Variants in GPC6 observed in about 807,000 individuals in gnomAD.
GPC6 encodes glypican 6.
GPC6 carries 14 observed loss-of-function variants against 55.2 expected under a neutral mutation model. The ratio of observed to expected loss-of-function variants is 0.25; its 90% confidence interval spans 0.17 to 0.40. The LOEUF is 0.40. GPC6 is among the 10% of genes least tolerant of loss of function. GPC6 has a pLI of 1.00. For synonymous variants in GPC6, 278 were observed against 259.6 expected, an observed-to-expected ratio of 1.07 and a Z score of -0.68; for missense variants, 641 against 708.5, an observed-to-expected ratio of 0.90 and a Z score of 1.08.
At chr13:93,458,111 CAT>C (rs1878537029) in intron 1 of GPC6, among the ~76,000 whole-genome samples, 2 of 152,150 alleles carry the variant, frequency 1.3e-5, no homozygotes. Flanking sequence ...GCTGAAAGAA[CAT>C]GTGTATGGGT....
chr13:94,324,997 G>T (rs7327380), intron 6 of GPC6, among the ~76,000 whole-genome samples: 1 of 151,880 alleles, frequency 6.6e-6, no homozygotes, highest in South Asian at 2.1e-4. Flanking sequence ...TAGAATCCTC[G>T]TGGTGTCTGT....
At chr13:94,113,742 C>T (rs936557774) in intron 4 of GPC6, among the ~76,000 whole-genome samples, 6 of 151,872 alleles carry the variant, frequency 4.0e-5, no homozygotes, top group South Asian at 2.1e-4. Flanking sequence ...GACTATAGGC[C>T]GGGCATAGTA....
intron 3 of GPC6, among the ~76,000 whole-genome samples, chr13:93,939,179 G>A (rs1255398965): frequency 6.6e-6 from 1 of 151,390 alleles, no homozygotes; most frequent in African/African-American, 2.4e-5. Context: ...AGTTGAACAT[G>A]TCTGAAAACA....
chr13:94,199,021 C>T (rs1889671332), intron 4 of GPC6, among the ~76,000 whole-genome samples: 1 of 152,120 alleles, frequency 6.6e-6, no homozygotes, highest in African/African-American at 2.4e-5. Context: ...TAGAACCAAT[C>T]CACCATGGAG....
chr13:93,256,309 T>C (rs1276515402), intron 1 of GPC6, among the ~76,000 whole-genome samples: 1 of 152,142 alleles, frequency 6.6e-6, no homozygotes, highest in African/African-American at 2.4e-5. Flanking sequence ...GATTAAAAGT[T>C]GCTTTCCTAT....
chr13:93,721,733 T>C (rs1883461969), intron 2 of GPC6, among the ~76,000 whole-genome samples: 2 of 151,770 alleles, frequency 1.3e-5, no homozygotes, highest in Admixed American at 6.6e-5. Flanking sequence ...TTAGTCCTTA[T>C]GTGTCTGTGG....
intron 4 of GPC6, among the ~76,000 whole-genome samples, chr13:94,176,236 C>G (rs1402435506): frequency 1.3e-5 from 2 of 152,062 alleles, no homozygotes; most frequent in East Asian, 1.9e-4. Context: ...GTAGCATTAA[C>G]TAGGACATAA....
At chr13:93,511,991 G>T (rs1900048) in intron 1 of GPC6, among the ~76,000 whole-genome samples, 126,448 of 151,658 alleles carry the variant, frequency 0.83, 53,777 homozygotes, top group Non-Finnish European at 0.92. Flanking sequence ...TAGATCATTA[G>T]TGGTGTACAG....
chr13:93,488,530 T>C (rs1308642320), intron 1 of GPC6, among the ~76,000 whole-genome samples: 4 of 152,196 alleles, frequency 2.6e-5, no homozygotes, highest in East Asian at 1.9e-4. Flanking sequence ...TTTTAGATCC[T>C]TGAGGAGTCG....
chr13:93,720,895 C>G (rs1883433746), intron 2 of GPC6, among the ~76,000 whole-genome samples: 1 of 151,956 alleles, frequency 6.6e-6, no homozygotes, highest in Non-Finnish European at 1.5e-5. Flanking sequence ...TTTCTTAATC[C>G]TGAGTTCTAA....
chr13:94,007,386 C>G (rs969374345), intron 3 of GPC6, among the ~76,000 whole-genome samples: 2 of 152,192 alleles, frequency 1.3e-5, no homozygotes, highest in Non-Finnish European at 2.9e-5. Flanking sequence ...AGCTTACAGT[C>G]TGTGCGGGAG....
At chr13:93,354,294 T>C (rs1319156306) in intron 1 of GPC6, among the ~76,000 whole-genome samples, 3 of 151,554 alleles carry the variant, frequency 2.0e-5, no homozygotes, top group African/African-American at 7.3e-5. Context: ...TTTGCCAAGA[T>C]AACCTTAATA....
chr13:93,602,310 A>G (rs1878050357), intron 2 of GPC6, among the ~76,000 whole-genome samples: 1 of 152,202 alleles, frequency 6.6e-6, no homozygotes, highest in Non-Finnish European at 1.5e-5. Flanking sequence ...TGTTTTGGGT[A>G]CAAATTGAGG....
At chr13:93,950,714 G>T (rs1459899686) in intron 3 of GPC6, among the ~76,000 whole-genome samples, 1 of 152,024 alleles carries the variant, frequency 6.6e-6, no homozygotes, top group African/African-American at 2.4e-5. Flanking sequence ...TGGCTTTATC[G>T]TGGTTTCATC....
chr13:94,302,998 G>A (rs1350601466), intron 5 of GPC6, among the ~76,000 whole-genome samples: 1 of 152,226 alleles, frequency 6.6e-6, no homozygotes. Context: ...AGCGGCAAGG[G>A]GCACCTCGCT....
chr13:94,050,938 G>T (rs1318309003), intron 4 of GPC6, among the ~76,000 whole-genome samples: 4 of 152,144 alleles, frequency 2.6e-5, no homozygotes, highest in African/African-American at 7.2e-5. Flanking sequence ...GCATCCTATT[G>T]GTCATGAGCT....
intron 3 of GPC6, among the ~76,000 whole-genome samples, chr13:93,883,645 G>A (rs1566585237): frequency 6.6e-6 from 1 of 151,944 alleles, no homozygotes; most frequent in African/African-American, 2.4e-5. Flanking sequence ...ACTTTTTGAG[G>A]AGATTCTTTG....
At chr13:93,857,576 T>C (rs908334618) in intron 3 of GPC6, among the ~76,000 whole-genome samples, 2 of 151,626 alleles carry the variant, frequency 1.3e-5, no homozygotes, top group African/African-American at 2.4e-5. Flanking sequence ...TTGGAATATA[T>C]ACAAAGTAAG....
intron 1 of GPC6, among the ~76,000 whole-genome samples, chr13:93,325,299 A>G (rs557255048): frequency 8.9e-4 from 135 of 152,216 alleles, no homozygotes; most frequent in Middle Eastern, 6.8e-3. Flanking sequence ...TATATTTTTA[A>G]TTTTCATGAT....
Sources: gnomAD v4.1 joint callset for allele counts (sites outside exome capture counted in the v4.1 genomes callset) on GRCh38, gnomAD v4.1.1 for gene constraint, MANE v1.5 for transcripts, NCBI Gene and HGNC (gene_info 2026-07-23, HGNC 2026-07-21) for gene names.